Variants in MAP3K3 observed in about 807,000 individuals in gnomAD.
MAP3K3 encodes the protein MAP/ERK kinase kinase 3.
Under a neutral mutation model 80.9 loss-of-function variants are expected in MAP3K3, and 12 were observed. That is an observed-to-expected ratio of 0.15 (90% CI 0.10 to 0.24). The LOEUF is 0.24. Ranked by LOEUF, MAP3K3 falls within the 10% of genes least tolerant of loss-of-function variation. The pLI, the probability that MAP3K3 is intolerant of heterozygous loss-of-function variation, is 1.00. For missense variants in MAP3K3, 596 were observed against 834.7 expected, an observed-to-expected ratio of 0.71 and a Z score of 3.52; for synonymous variants, 272 against 307.1, an observed-to-expected ratio of 0.89 and a Z score of 1.19.
chr17:63,630,707 C>G (rs370624784), intron 1 of MAP3K3, among the ~76,000 whole-genome samples: 1 of 152,138 alleles, frequency 6.6e-6, no homozygotes, highest in African/African-American at 2.4e-5. Context: ...GTTAATTTGA[C>G]AGATGTCTTT....
chr17:63,659,364 T>G (rs2034837352), intron 5 of MAP3K3, among the ~76,000 whole-genome samples: 1 of 152,132 alleles, frequency 6.6e-6, no homozygotes, highest in African/African-American at 2.4e-5. Flanking sequence ...AAATCTTTCC[T>G]CCAGAACTTC....
intron 7 of MAP3K3, among the ~76,000 whole-genome samples, chr17:63,684,718 C>G (rs989128715): frequency 6.6e-6 from 1 of 152,140 alleles, no homozygotes; most frequent in Non-Finnish European, 1.5e-5. Context: ...TCTTGAACTC[C>G]TGAGTGCAAG....
In MAP3K3 at chr17:63,681,828, A is replaced by T. The variant is rs1057241127; in HGVS notation, c.565A>T (p.Ile189Phe). The change falls in exon 7 of 16, where the codon ATT becomes TTT. Residue 189 changes from isoleucine to phenylalanine, a missense_variant. Transcript: ENST00000361733. ...CTATGTTCCTGAGCGGCAGCAGCAC[A>T]TTGCCCGGCAGGGGTCCTACACCAG... ...PGYVPERQQH[I>F]ARQGSYTSIN... is the part of the protein sequence containing the mutation. 1 of 1,549,134 alleles carries T rather than the reference A, an allele frequency of 6.5e-7. No homozygotes were observed. Among genetic ancestry groups the T allele is most frequent in the Admixed American group, 1.9e-5 (1 of 52,794 alleles).
At chr17:63,671,107 G>A (rs1406607153) in intron 6 of MAP3K3, among the ~76,000 whole-genome samples, 1 of 152,110 alleles carries the variant, frequency 6.6e-6, no homozygotes, top group Non-Finnish European at 1.5e-5. Context: ...CTTGGAGTAG[G>A]CTGATGAAGT....
chr17:63,671,136 G>A (rs909257002), intron 6 of MAP3K3, among the ~76,000 whole-genome samples: 3 of 152,134 alleles, frequency 2.0e-5, no homozygotes, highest in African/African-American at 7.2e-5. Context: ...GAAGGAGCAG[G>A]TGAACTTGTG....
chr17:63,640,314 A>T (rs1346990428), intron 2 of MAP3K3, among the ~76,000 whole-genome samples: 2 of 152,194 alleles, frequency 1.3e-5, no homozygotes, highest in Non-Finnish European at 2.9e-5. Context: ...ATAGTTGAGA[A>T]GGGAGACTAG....
intron 5 of MAP3K3, among the ~76,000 whole-genome samples, chr17:63,658,640 CT>C (rs1769224946): frequency 1.3e-5 from 2 of 151,892 alleles, no homozygotes; most frequent in South Asian, 4.2e-4. Flanking sequence ...CTTTCCTTTT[CT>C]TTATGTGGAC....
chr17:63,685,253 A>T (rs1195175757), intron 7 of MAP3K3, among the ~76,000 whole-genome samples: 1 of 152,204 alleles, frequency 6.6e-6, no homozygotes, highest in African/African-American at 2.4e-5. Flanking sequence ...ACATGCCAAC[A>T]AGAAAAGCAG....
At position 63,689,304 on chromosome 17, in the gene MAP3K3, T is replaced by C. The variant is rs2035531125; in HGVS notation, c.872-240T>C. ...TTGGCCAGATCTCCCTGAACCAGAC[T>C]ACTTCCTAATTTCTGCTTTTGTCCT... On this transcript the variant is annotated intron_variant, in intron 10 of 15. Transcript: ENST00000361733. The surrounding 1 kb of genome is among the most constrained non-coding windows in gnomAD (Gnocchi z 4.3). 5.3e-6 allele frequency: 3 copies of C among 563,014 alleles called. No individual in the cohort carries two copies. Among genetic ancestry groups the C allele is most frequent in the Non-Finnish European group, 9.5e-6 (3 of 316,298 alleles). 34.9% of individuals were successfully genotyped at this position (563,014 alleles called of 1,614,324 possible).
chr17:63,630,646 A>G (rs1166598918), intron 1 of MAP3K3, among the ~76,000 whole-genome samples: 1 of 152,124 alleles, frequency 6.6e-6, no homozygotes, highest in Non-Finnish European at 1.5e-5. Flanking sequence ...TCTTTAAAGA[A>G]GCTATAGGGA....
intron 2 of MAP3K3, among the ~76,000 whole-genome samples, chr17:63,633,668 ATCT>A (rs1026977485): frequency 5.9e-5 from 9 of 152,178 alleles, no homozygotes; most frequent in African/African-American, 2.2e-4. Context: ...GTCATTGACA[ATCT>A]TCTTCTCACC....
At chr17:63,635,249 A>G (rs2034299367) in intron 2 of MAP3K3, among the ~76,000 whole-genome samples, 1 of 152,178 alleles carries the variant, frequency 6.6e-6, no homozygotes, top group Non-Finnish European at 1.5e-5. Flanking sequence ...AGATGTGTAG[A>G]TATTCATTGG....
chr17:63,656,440 T>TAA (rs570222627), intron 4 of MAP3K3, among the ~76,000 whole-genome samples: 4 of 135,794 alleles, frequency 2.9e-5, no homozygotes, highest in African/African-American at 2.7e-5. Context: ...CAGTCTCTAC[T>TAA]AAAAAAAAAA....
intron 5 of MAP3K3, among the ~76,000 whole-genome samples, chr17:63,660,677 C>G (rs370167226): frequency 1.3e-5 from 2 of 152,068 alleles, no homozygotes; most frequent in Non-Finnish European, 2.9e-5. Context: ...ACCGCAACCT[C>G]TGGCTTCCAG....
At chr17:63,670,730 G>A (rs1335728985) in intron 6 of MAP3K3, among the ~76,000 whole-genome samples, 6 of 152,116 alleles carry the variant, frequency 3.9e-5, no homozygotes, top group Non-Finnish European at 8.8e-5. Context: ...GCAAGGAAGA[G>A]GGTTCCAGGC....
chr17:63,631,015 G>A (rs941088080), intron 1 of MAP3K3, among the ~76,000 whole-genome samples: 5 of 152,160 alleles, frequency 3.3e-5, no homozygotes, highest in East Asian at 1.9e-4. Context: ...GGCCAGGCAC[G>A]GTGGCTTATG....
At position 63,689,795 on chromosome 17, in the gene MAP3K3, G is replaced by C; in HGVS notation, c.1063+60G>C. ...CAGGTGGTCTCAGACAAGCTACGGG[G>C]GCAAACAGCTGGGCCCCTGGGACCC... On this transcript the variant is annotated intron_variant, in intron 11 of 15. Coordinates refer to ENST00000361733, the MANE Select transcript of MAP3K3 (RefSeq NM_002401.5). This position sits in a 1 kb window ranked among gnomAD's most constrained non-coding sequence, Gnocchi z 4.3. The C allele has an allele frequency of 6.6e-7, 1 of 1,508,288 alleles. No homozygotes were observed. The highest frequency in any genetic ancestry group is 2.1e-5 in the Admixed American group (1 of 48,766). 93.4% of individuals were successfully genotyped at this position (1,508,288 alleles called of 1,614,324 possible).
At position 63,658,114 on chromosome 17, in the gene MAP3K3, C is replaced by G. The variant is rs140890307; in HGVS notation, c.381+207C>G. Among the ~76,000 whole-genome samples, 94 of 152,296 alleles carry G rather than the reference C, an allele frequency of 6.2e-4. No individual in the cohort carries two copies. The highest frequency in any genetic ancestry group is 3.4e-3 in the Middle Eastern group (1 of 294). ...CAGATTGTCAGTGTTAACATTGCAT[C>G]TAAAGGTTATTTGACTTTTGGTGAG... is the stretch of plus-strand genomic sequence containing the variant. On this transcript the variant is annotated intron_variant, in intron 5 of 15. Transcript: ENST00000361733.
intron 4 of MAP3K3, among the ~76,000 whole-genome samples, chr17:63,655,019 C>CT (rs899692176): frequency 6.6e-6 from 1 of 151,732 alleles, no homozygotes; most frequent in African/African-American, 2.4e-5. Flanking sequence ...AGTTGAGACT[C>CT]TGTCTCAAAA....
Sources: gnomAD v4.1 joint callset for allele counts (sites outside exome capture counted in the v4.1 genomes callset) on GRCh38, gnomAD v4.1.1 for gene constraint, Gnocchi (gnomAD v3.1) non-coding constraint, MANE v1.5 for transcripts, NCBI Gene and HGNC (gene_info 2026-07-23, HGNC 2026-07-21) for gene names.